The following RASAL2 variants were observed in gnomAD, a reference collection of about 807,000 sequenced individuals.
RASAL2 encodes the protein ras GTPase-activating protein nGAP.
A neutral mutation model predicts 128.9 loss-of-function variants in RASAL2; 58 were observed. The observed-to-expected ratio is 0.45, with a 90% confidence interval of 0.36 to 0.56. The LOEUF (loss-of-function observed/expected upper bound fraction) is 0.56. Among genes scored for constraint, RASAL2 ranks in the 20% least tolerant of loss-of-function variants. The pLI is 0.00. For missense variants in RASAL2, 1,360 were observed against 1,601.6 expected, an observed-to-expected ratio of 0.85 and a Z score of 2.57; for synonymous variants, 561 against 580.8, an observed-to-expected ratio of 0.97 and a Z score of 0.49.
chr1:178,472,483 A>T (rs35905053), intron 17 of RASAL2, among the ~76,000 whole-genome samples: 15,410 of 151,156 alleles, frequency 0.1, 815 homozygotes, highest in Middle Eastern at 0.15. Flanking sequence ...TATTCAAGTA[A>T]CTCCTTGGTC....
Position 178,473,587 on chromosome 1 carries a change from A to C in RASAL2, c.*348A>C. Reference sequence around the variant, plus strand: ...TTGTTGAAAGCACTGCAGTTGTTACAGGAAGTAAAGTAGGAACTGTTGTGT... The same window carrying C: ...TTGTTGAAAGCACTGCAGTTGTTACCGGAAGTAAAGTAGGAACTGTTGTGT... On this transcript the variant is annotated 3_prime_UTR_variant, in exon 18 of 18. Transcript: ENST00000367649. 1 of 283,592 alleles carries C rather than the reference A, an allele frequency of 3.5e-6. No individual in the cohort carries two copies. The highest frequency in any genetic ancestry group is 4.1e-5 in the South Asian group (1 of 24,222). The allele number at this position is 283,592 out of a possible 1,614,324, so 17.6% of individuals were successfully genotyped here. A position where few individuals can be genotyped will look rare whatever the true frequency, so the allele number is the denominator to read the frequency against.
intron 3 of RASAL2, among the ~76,000 whole-genome samples, chr1:178,362,941 A>G (rs1002178520): frequency 6.6e-6 from 1 of 152,050 alleles, no homozygotes; most frequent in Non-Finnish European, 1.5e-5. Context: ...CATAACTTGT[A>G]TTGTGAATAA....
At chr1:178,253,333 A>G (rs1346442666) in intron 1 of RASAL2, among the ~76,000 whole-genome samples, 4 of 152,198 alleles carry the variant, frequency 2.6e-5, no homozygotes, top group Admixed American at 6.5e-5. Context: ...TACGTCTGCA[A>G]TGACCCATAT....
chr1:178,437,670 G>A (rs888295439), intron 5 of RASAL2, among the ~76,000 whole-genome samples: 4 of 152,010 alleles, frequency 2.6e-5, no homozygotes, highest in Non-Finnish European at 5.9e-5. Flanking sequence ...AGCTAGAATT[G>A]TTGTTTTGTT....
chr1:178,178,778 G>A (rs976695943), intron 1 of RASAL2, among the ~76,000 whole-genome samples: 10 of 152,100 alleles, frequency 6.6e-5, no homozygotes, highest in African/African-American at 2.4e-4. Flanking sequence ...GCAAAAAGAA[G>A]ATTGTTCTCA....
At chr1:178,301,790 A>G (rs1667779169) in intron 3 of RASAL2, among the ~76,000 whole-genome samples, 1 of 152,142 alleles carries the variant, frequency 6.6e-6, no homozygotes, top group African/African-American at 2.4e-5. Context: ...TTGACCCATA[A>G]AAGTCAATAG....
chr1:178,457,841 T>G lies in RASAL2; in HGVS notation c.2549T>G (p.Leu850Arg). ...CTTCCTAATGGTCGGAGCGTCTCCC[T>G]CATGGACCTCCAGGACACTCATGCT... ...SSLPNGRSVSLMDLQDTHAAQ... is the reference protein window; with the variant it reads ...SSLPNGRSVSRMDLQDTHAAQ... Residue 850 changes from leucine (L) to arginine (R), a missense_variant, in exon 14 of 18, where the codon CTC (leucine) becomes CGC (arginine). By Grantham distance (102) the Leu-to-Arg change is moderately radical. Coordinates refer to ENST00000367649, the MANE Select transcript of RASAL2 (RefSeq NM_170692.4). 6.2e-7 allele frequency: 1 copy of G among 1,614,182 alleles called. No individual in the cohort carries two copies. Among genetic ancestry groups the G allele is most frequent in the Admixed American group, 1.7e-5 (1 of 60,030 alleles).
chr1:178,464,959 A>G (rs1647528178), intron 15 of RASAL2, among the ~76,000 whole-genome samples: 2 of 151,328 alleles, frequency 1.3e-5, no homozygotes, highest in African/African-American at 4.9e-5. Flanking sequence ...AAAGTTGACA[A>G]GGGGTAAAAG....
intron 1 of RASAL2, among the ~76,000 whole-genome samples, chr1:178,178,346 C>T (rs1661962993): frequency 6.6e-6 from 1 of 151,322 alleles, no homozygotes; most frequent in Non-Finnish European, 1.5e-5. Flanking sequence ...TTATGGGGGC[C>T]AAGGTAAAAA....
At chr1:178,354,627 A>G (rs1032505310) in intron 3 of RASAL2, among the ~76,000 whole-genome samples, 6 of 152,256 alleles carry the variant, frequency 3.9e-5, no homozygotes, top group African/African-American at 1.4e-4. Context: ...GCAAGTTGCT[A>G]GATAACAAGA....
intron 3 of RASAL2, among the ~76,000 whole-genome samples, chr1:178,301,523 A>T (rs1482847252): frequency 6.6e-6 from 1 of 151,198 alleles, no homozygotes; most frequent in Admixed American, 6.6e-5. Context: ...GCCTCCACCT[A>T]CTTGGTTCAA....
intron 3 of RASAL2, among the ~76,000 whole-genome samples, chr1:178,338,841 C>A (rs539984151): frequency 4.6e-5 from 7 of 152,204 alleles, no homozygotes; most frequent in Admixed American, 1.3e-4. Context: ...GTTGCTGAAA[C>A]AAATGAAAAA....
At chr1:178,207,589 A>G (rs943539318) in intron 1 of RASAL2, among the ~76,000 whole-genome samples, 2 of 152,214 alleles carry the variant, frequency 1.3e-5, no homozygotes, top group African/African-American at 4.8e-5. Flanking sequence ...CAAATATCCT[A>G]GAAAAAAATA....
chr1:178,357,670 T>C (rs556385199), intron 3 of RASAL2, among the ~76,000 whole-genome samples: 1 of 152,300 alleles, frequency 6.6e-6, no homozygotes, highest in African/African-American at 2.4e-5. Flanking sequence ...GGAATTACAA[T>C]GAATGTATAG....
In RASAL2 at chr1:178,420,541, A is replaced by G. The variant is rs141024348; in HGVS notation, c.595A>G (p.Ile199Val). 7 of 1,613,060 alleles carry G rather than the reference A, an allele frequency of 4.3e-6. No homozygotes were observed. In the African/African-American group the frequency reaches 9.3e-5, roughly 22 times the overall value. ...CTTCAGCAAGCGCCTGAAAGGCTCC[A>G]TCAAGAGGACCAAAAGCCAGTCAAA... The part of the protein sequence containing the change: ...GFFSKRLKGS[I>V]KRTKSQSKLD... Residue 199 changes from isoleucine to valine, a missense_variant, in exon 5 of 18, where the codon ATC (isoleucine) becomes GTC (valine). Ile to Val is a conservative substitution (Grantham distance 29). Coordinates refer to ENST00000367649, the MANE Select transcript of RASAL2 (RefSeq NM_170692.4).
chr1:178,094,674 A>G lies in RASAL2; in HGVS notation c.182A>G (p.Gln61Arg). The G allele has an allele frequency of 6.2e-7, 1 of 1,614,114 alleles. No homozygotes were observed. Among genetic ancestry groups the G allele is most frequent in the Non-Finnish European group, 8.5e-7 (1 of 1,180,038 alleles). Reference protein sequence around the residue: ...RILLESVCQQQSWVRVYDVKG... With the variant: ...RILLESVCQQRSWVRVYDVKG... ...CTTCTGGAGTCCGTGTGCCAGCAACAGAGCTGGGTCCGGGTGTACGGTAAG... is the reference window on the plus strand; with the variant it reads ...CTTCTGGAGTCCGTGTGCCAGCAACGGAGCTGGGTCCGGGTGTACGGTAAG... Residue 61 changes from glutamine to arginine, a missense_variant, in exon 1 of 18, where the codon CAG becomes CGG. Gln to Arg is a conservative substitution (Grantham distance 43, BLOSUM62 1). Around this residue, in one of 3 missense-constraint regions of RASAL2, gnomAD observed 617 missense variants for 714.2 expected, o/e 0.86. Transcript: ENST00000367649.
rs530996962 is a variant in RASAL2, at chr1:178,142,252, G to A, written c.202+47558G>A. Among the ~76,000 whole-genome samples, 62 of 152,224 alleles carry A rather than the reference G, an allele frequency of 4.1e-4. 3 individuals are homozygous for A. The South Asian group carries it at 0.012, about 29-fold the overall frequency. Reference sequence around the variant, plus strand: ...ACTCCACTCCAGCCACTTTAACTGCGGTTGGGGTAGATAAAATGACTGGGT... The same window carrying A: ...ACTCCACTCCAGCCACTTTAACTGCAGTTGGGGTAGATAAAATGACTGGGT... On this transcript the variant is annotated intron_variant, in intron 1 of 17. Coordinates refer to ENST00000367649, the MANE Select transcript of RASAL2 (RefSeq NM_170692.4).
intron 3 of RASAL2, among the ~76,000 whole-genome samples, chr1:178,380,783 A>G (rs1372183705): frequency 6.6e-6 from 1 of 152,248 alleles, no homozygotes; most frequent in Non-Finnish European, 1.5e-5. Context: ...TTAAAAATTT[A>G]GACACAATCA....
intron 1 of RASAL2, among the ~76,000 whole-genome samples, chr1:178,134,057 T>C (rs1660220414): frequency 6.6e-6 from 1 of 152,224 alleles, no homozygotes. Flanking sequence ...ACTTAGCAGC[T>C]TAAAACAATG....
Sources: allele counts gnomAD v4.1 joint callset (sites outside exome capture counted in the v4.1 genomes callset), GRCh38; gene constraint gnomAD v4.1.1; regional missense constraint gnomAD v4.1.1; transcripts MANE v1.5; gene names NCBI Gene and HGNC (gene_info 2026-07-23, HGNC 2026-07-21).